The following FSTL4 variants were observed in gnomAD, a reference collection of about 807,000 sequenced individuals.
The protein encoded by FSTL4 is follistatin-related protein 4.
FSTL4 carries 28 observed loss-of-function variants against 78.2 expected under a neutral mutation model. The ratio of observed to expected loss-of-function variants is 0.36; its 90% confidence interval spans 0.27 to 0.49. The LOEUF (loss-of-function observed/expected upper bound fraction) is 0.49, where lower values mean the gene tolerates loss of function less well. Among genes scored for constraint, FSTL4 ranks in the 20% least tolerant of loss-of-function variants. FSTL4 has a pLI of 0.98. For synonymous variants in FSTL4, 422 were observed against 440.5 expected (o/e 0.96, Z 0.53); for missense variants, 922 against 1,084.9 (o/e 0.85, Z 2.11).
chr5:133,637,913 C>T, the FSTL4 span, among the ~76,000 whole-genome samples: 1 of 151,124 alleles, frequency 6.6e-6, no homozygotes, highest in Non-Finnish European at 1.5e-5. Flanking sequence ...TGCACTCCAG[C>T]CTGGGTGACA....
At chr5:133,337,900 A>G (rs1257289473) in intron 4 of FSTL4, among the ~76,000 whole-genome samples, 2 of 152,244 alleles carry the variant, frequency 1.3e-5, no homozygotes, top group Non-Finnish European at 2.9e-5. Flanking sequence ...TTTGGAGGAT[A>G]GGATACTGTT....
chr5:133,713,331 C>T, the FSTL4 span, among the ~76,000 whole-genome samples: 563 of 152,234 alleles, frequency 3.7e-3, 4 homozygotes, highest in African/African-American at 0.013. Context: ...AAAAGCAAAG[C>T]AAATTGCATG....
intron 6 of FSTL4, among the ~76,000 whole-genome samples, chr5:133,299,833 G>A (rs1486532684): frequency 2.0e-5 from 3 of 152,202 alleles, no homozygotes; most frequent in Non-Finnish European, 4.4e-5. Context: ...CAGGAAAAAT[G>A]AGCAGAACTT....
At chr5:133,574,910 C>G (rs191082456) in intron 2 of FSTL4, 2 of 151,856 alleles carry the variant, frequency 1.3e-5, no homozygotes, top group Non-Finnish European at 2.9e-5. Flanking sequence ...GTAACCTTTG[C>G]GAGGATAATG....
chr5:133,317,414 G>A (rs1047051425), intron 4 of FSTL4, among the ~76,000 whole-genome samples: 5 of 152,178 alleles, frequency 3.3e-5, no homozygotes, highest in African/African-American at 9.7e-5. Flanking sequence ...GAGTGTCAGC[G>A]GAGAGGGCAG....
At chr5:133,492,184 T>C (rs976398691) in intron 3 of FSTL4, among the ~76,000 whole-genome samples, 3 of 152,120 alleles carry the variant, frequency 2.0e-5, no homozygotes, top group Non-Finnish European at 4.4e-5. Flanking sequence ...ACAAGAAGCA[T>C]AAAATTCTTT....
the FSTL4 span, among the ~76,000 whole-genome samples, chr5:133,655,076 A>G: frequency 1.3e-5 from 2 of 152,254 alleles, no homozygotes; most frequent in East Asian, 1.9e-4. Context: ...CCAACCCAAT[A>G]TAGCTCAAGC....
rs1757144244 is a variant in FSTL4 at position 133,440,784 on chromosome 5, C to T, written c.161-39798G>A. Among the ~76,000 whole-genome samples the T allele has an allele frequency of 6.6e-6, 1 of 152,160 alleles. No homozygotes were observed. Among genetic ancestry groups the T allele is most frequent in the Non-Finnish European group, 1.5e-5 (1 of 68,030 alleles). ...TTTCAGGCAGGACATGAGAACCACG[C>T]CCCCAGCCCTCACCCACCACTTCTC... On this transcript the variant is annotated intron_variant, in intron 3 of 15. Coordinates refer to ENST00000265342, the MANE Select transcript of FSTL4 (RefSeq NM_015082.2). The surrounding 1 kb of genome is among the most constrained non-coding windows in gnomAD (Gnocchi z 4.1).
At chr5:133,788,525 C>G in the FSTL4 span, among the ~76,000 whole-genome samples, 1 of 152,322 alleles carries the variant, frequency 6.6e-6, no homozygotes. Flanking sequence ...GTGACAAACT[C>G]CCCCTCCACG....
intron 3 of FSTL4, among the ~76,000 whole-genome samples, chr5:133,512,878 C>T (rs1432267520): frequency 3.9e-5 from 6 of 151,968 alleles, no homozygotes; most frequent in Non-Finnish European, 2.9e-5. Flanking sequence ...AGTGCAGTGG[C>T]GTGATCTTGG....
Position 133,221,891 on chromosome 5 carries a change from G to GTTTTTTTTTTTTTTTTTTTTTT in FSTL4, c.1340-1047_1340-1026dup, listed in dbSNP as rs59400068. On this transcript the variant is annotated intron_variant, in intron 11 of 15. Transcript: ENST00000265342. ...AATATGTAGAAAAATCTCTTTTCTA[G>GTTTTTTTTTTTTTTTTTTTTTT]TTTTTTTTTTTTTTTTTTTTTTTTT... Among the ~76,000 whole-genome samples, 3 of 43,360 alleles carry GTTTTTTTTTTTTTTTTTTTTTT rather than the reference G, an allele frequency of 6.9e-5. 1 individual carries two copies. The highest frequency in any genetic ancestry group is 1.8e-4 in the Non-Finnish European group (3 of 16,686). 28.4% of individuals were successfully genotyped at this position (43,360 alleles called of 152,430 possible). A position where few individuals can be genotyped will look rare whatever the true frequency, so the allele number is the denominator to read the frequency against.
At chr5:133,713,451 G>T in the FSTL4 span, among the ~76,000 whole-genome samples, 1 of 152,318 alleles carries the variant, frequency 6.6e-6, no homozygotes, top group Non-Finnish European at 1.5e-5. Context: ...TGGTACCTTT[G>T]CACTGTAGAA....
chr5:133,306,371 C>T (rs747815719), intron 6 of FSTL4, among the ~76,000 whole-genome samples: 10 of 152,202 alleles, frequency 6.6e-5, no homozygotes, highest in Non-Finnish European at 1.2e-4. Context: ...TGCCAGCCGA[C>T]CAGAGCACTT....
chr5:133,665,337 C>G, the FSTL4 span, among the ~76,000 whole-genome samples: 1 of 152,194 alleles, frequency 6.6e-6, no homozygotes, highest in Non-Finnish European at 1.5e-5. Context: ...CAATTCGGTC[C>G]TCTTCCATCT....
chr5:133,566,680 G>A (rs1042639533), intron 3 of FSTL4, among the ~76,000 whole-genome samples: 2 of 152,184 alleles, frequency 1.3e-5, no homozygotes, highest in African/African-American at 4.8e-5. Context: ...CAGGAACTCT[G>A]GCAGGGGAAA....
intron 6 of FSTL4, among the ~76,000 whole-genome samples, chr5:133,269,813 T>G (rs1311596662): frequency 6.6e-6 from 1 of 152,236 alleles, no homozygotes; most frequent in African/African-American, 2.4e-5. Flanking sequence ...CAGACTTCAC[T>G]GCAGCTCGGA....
chr5:133,411,564 TA>T (rs1315239326), intron 3 of FSTL4, among the ~76,000 whole-genome samples: 1 of 152,130 alleles, frequency 6.6e-6, no homozygotes, highest in African/African-American at 2.4e-5. Flanking sequence ...AAGAAAGTCT[TA>T]AAATACAGTA....
intron 3 of FSTL4, among the ~76,000 whole-genome samples, chr5:133,527,111 C>T (rs1460162557): frequency 1.3e-5 from 2 of 152,086 alleles, no homozygotes; most frequent in Admixed American, 1.3e-4. Context: ...ATTCTCAGTC[C>T]CCACATGTCC....
chr5:133,592,468 T>C (rs1018196932), intron 2 of FSTL4, among the ~76,000 whole-genome samples: 4 of 152,230 alleles, frequency 2.6e-5, no homozygotes, highest in African/African-American at 9.7e-5. Context: ...GAATCACAGA[T>C]AATTTTGTTC....
Sources: allele counts gnomAD v4.1 joint callset (sites outside exome capture counted in the v4.1 genomes callset), GRCh38; gene constraint gnomAD v4.1.1; non-coding constraint Gnocchi (gnomAD v3.1); transcripts MANE v1.5; gene names NCBI Gene and HGNC (gene_info 2026-07-23, HGNC 2026-07-21).